Variants in TNNT1 observed in about 807,000 individuals in gnomAD.
The protein encoded by TNNT1 is troponin T, slow skeletal muscle.
TNNT1 carries 53 observed loss-of-function variants against 50.6 expected under a neutral mutation model. The ratio of observed to expected loss-of-function variants is 1.05; its 90% confidence interval spans 0.84 to 1.32. The LOEUF (loss-of-function observed/expected upper bound fraction) is 1.32, where lower values mean the gene tolerates loss of function less well. TNNT1 is among the 40% of genes most tolerant of loss of function. The probability of loss-of-function intolerance (pLI) is 0.00; values close to 1 mark genes in which losing one functional copy is unlikely to be tolerated. For synonymous variants in TNNT1, 142 were observed against 138.0 expected (o/e 1.03, Z -0.20); for missense variants, 348 against 381.7 (o/e 0.91, Z 0.74).
At chr19:55,148,339 A>G (rs1460025789) in intron 1 of TNNT1, among the ~76,000 whole-genome samples, 2 of 151,438 alleles carry the variant, frequency 1.3e-5, no homozygotes, top group African/African-American at 4.9e-5. Flanking sequence ...CTTCCCATAC[A>G]TCACGTAGGG....
Position 55,141,179 on chromosome 19 carries a change from G to A in TNNT1, c.309+7C>T, listed in dbSNP as rs1351933602. ...AAGACCGGGGGGAACCCGGACTCTC[G>A]GCTCACAATGCGCTCCTTCAAGGCA... On this transcript the variant is annotated splice_region_variant and intron_variant, in intron 8 of 13. Coordinates refer to ENST00000588981, the MANE Select transcript of TNNT1 (RefSeq NM_003283.6). The A allele has an allele frequency of 1.2e-6, 2 of 1,611,966 alleles. No homozygotes were observed. Among genetic ancestry groups the A allele is most frequent in the Non-Finnish European group, 1.7e-6 (2 of 1,178,106 alleles).
intron 9 of TNNT1, among the ~76,000 whole-genome samples, chr19:55,139,642 T>C (rs970482456): frequency 1.3e-5 from 2 of 151,976 alleles, no homozygotes; most frequent in African/African-American, 2.4e-5. Flanking sequence ...AACCTTCCCA[T>C]CTCAAGATCT....
chr19:55,147,253 T>TG, intron 1 of TNNT1, 85 bp from the exon 2 acceptor site: 1 of 1,334,780 alleles, frequency 7.5e-7, no homozygotes, highest in South Asian at 1.2e-5. Context: ...GAGGAGGGGC[T>TG]GGGGGCCTGG....
chr19:55,147,762 C>T (rs114754928), intron 1 of TNNT1, among the ~76,000 whole-genome samples: 1,865 of 143,462 alleles, frequency 0.013, 75 homozygotes, highest in African/African-American at 0.047. Flanking sequence ...CGGGCCTGGA[C>T]GCCTGGGTCT....
intron 6 of TNNT1, among the ~76,000 whole-genome samples, chr19:55,143,542 G>C (rs1032703236): frequency 2.6e-5 from 4 of 152,130 alleles, no homozygotes; most frequent in African/African-American, 9.7e-5. Flanking sequence ...AGGGGGCCAA[G>C]TGTACAGCAG....
At chr19:55,142,619 A>G (rs1470885060) in intron 6 of TNNT1, among the ~76,000 whole-genome samples, 1 of 148,470 alleles carries the variant, frequency 6.7e-6, no homozygotes, top group African/African-American at 2.5e-5. Context: ...ATCTCTGCTC[A>G]CCACAACAAC....
intron 11 of TNNT1, 66 bp downstream of exon 11, chr19:55,137,037 G>C: frequency 9.5e-7 from 1 of 1,051,422 alleles, no homozygotes; most frequent in Middle Eastern, 2.2e-4. Flanking sequence ...AGATCTGGGT[G>C]TGAGCTCCTT....
chr19:55,144,968 G>A (rs368478950), intron 6 of TNNT1, among the ~76,000 whole-genome samples: 2 of 152,060 alleles, frequency 1.3e-5, no homozygotes, highest in East Asian at 3.9e-4. Context: ...TGGTAAAGGC[G>A]CGAGGGGAAG....
rs559106081 is a variant in TNNT1, at chr19:55,136,034, T to G, written c.611+1069A>C. On this transcript the variant is annotated intron_variant, in intron 11 of 13. Transcript: ENST00000588981. ...ATTTTGCCCCCTGGAGAGCAGCTGTTAAACATTTACCATGAAGCCACTTTA... is the reference window on the plus strand; with the variant it reads ...ATTTTGCCCCCTGGAGAGCAGCTGTGAAACATTTACCATGAAGCCACTTTA... 7.9e-5 allele frequency among the ~76,000 whole-genome samples: 12 copies of G among 152,294 alleles called. No homozygotes were observed. The East Asian group carries it at 2.3e-3, about 29-fold the overall frequency.
chr19:55,147,202 G>A (rs756225652), intron 1 of TNNT1, 34 bp from the exon 2 acceptor site: 1 of 1,607,898 alleles, frequency 6.2e-7, no homozygotes, highest in Non-Finnish European at 8.5e-7. Context: ...CAGTGGGGTG[G>A]GGCCCCAAGG....
Position 55,137,216 on chromosome 19 carries a change from A to G in TNNT1, c.502-4T>C. The G allele has an allele frequency of 1.2e-6, 2 of 1,607,704 alleles. No homozygotes were observed. Among genetic ancestry groups the G allele is most frequent in the South Asian group, 2.2e-5 (2 of 90,978 alleles). On this transcript the variant is annotated splice_polypyrimidine_tract_variant and splice_region_variant and intron_variant, in intron 10 of 13. Transcript: ENST00000588981. ...GCTTACCACGCTTCTGTTCTGCCTGAGGGTGGGGGAGGCGGAACAGTAAAC... is the reference window on the plus strand; with the variant it reads ...GCTTACCACGCTTCTGTTCTGCCTGGGGGTGGGGGAGGCGGAACAGTAAAC...
At chr19:55,141,992 C>A in intron 6 of TNNT1, 72 bp from the exon 7 acceptor site, 1 of 1,509,630 alleles carries the variant, frequency 6.6e-7, no homozygotes, top group Non-Finnish European at 9.2e-7. Context: ...CCGGGATGTG[C>A]CGTCCAGTGA....
rs368286078 is a variant in TNNT1, at chr19:55,132,832, G to A, written c.*83C>T. 22 of 1,336,694 alleles carry A rather than the reference G, an allele frequency of 1.6e-5. No individual in the cohort carries two copies. The Middle Eastern group carries it at 8.9e-4, about 54-fold the overall frequency. The allele number at this position is 1,336,694 out of a possible 1,614,324, so 82.8% of individuals were successfully genotyped here. A position where few individuals can be genotyped will look rare whatever the true frequency, so the allele number is the denominator to read the frequency against. On this transcript the variant is annotated 3_prime_UTR_variant, in exon 14 of 14. Coordinates refer to ENST00000588981, the MANE Select transcript of TNNT1 (RefSeq NM_003283.6). Reference sequence around the variant, plus strand: ...AATAACATCAGAGAACCCAGCGGGTGTCTGAGGGGAGCGTTTATTTCAAGC... The same window carrying A: ...AATAACATCAGAGAACCCAGCGGGTATCTGAGGGGAGCGTTTATTTCAAGC...
At chr19:55,137,298 A>C (rs932685755) in intron 10 of TNNT1, 86 bp from the exon 11 acceptor site, 4 of 942,244 alleles carry the variant, frequency 4.2e-6, no homozygotes, top group Admixed American at 1.9e-5. Flanking sequence ...CGGATCCCAC[A>C]GACCATTTCC....
At position 55,132,819 on chromosome 19, in the gene TNNT1, G is replaced by A; in HGVS notation, c.*96C>T. The A allele has an allele frequency of 1.7e-6, 2 of 1,188,000 alleles. No individual in the cohort carries two copies. The highest frequency in any genetic ancestry group is 2.6e-5 in the South Asian group (2 of 76,748). 73.6% of individuals were successfully genotyped at this position (1,188,000 alleles called of 1,614,324 possible). ...GCATCTCAACCATAATAACATCAGA[G>A]AACCCAGCGGGTGTCTGAGGGGAGC... On this transcript the variant is annotated 3_prime_UTR_variant, in exon 14 of 14. Coordinates refer to ENST00000588981, the MANE Select transcript of TNNT1 (RefSeq NM_003283.6).
intron 1 of TNNT1, 34 bp from the exon 2 acceptor site, chr19:55,147,202 G>C (rs756225652): frequency 6.2e-7 from 1 of 1,608,016 alleles, no homozygotes. Context: ...CAGTGGGGTG[G>C]GGCCCCAAGG....
Position 55,137,070 on chromosome 19 carries a change from GCCCCTACACCCCGAGC to G in TNNT1, c.611+17_611+32del. On this transcript the variant is annotated intron_variant, in intron 11 of 13. Transcript: ENST00000588981. ...CTTTATCCCCCTGTCTCACACCCAGGCCCCTACACCCCGAGCCCCCCACAGCACCTACCGGAGCTGT... is the reference window on the plus strand; with the variant it reads ...CTTTATCCCCCTGTCTCACACCCAGGCCCCCACAGCACCTACCGGAGCTGT... 7.5e-7 allele frequency: 1 copy of G among 1,329,048 alleles called. No homozygotes were observed. Among genetic ancestry groups the G allele is most frequent in the Non-Finnish European group, 1.1e-6 (1 of 928,136 alleles). 82.3% of individuals were successfully genotyped at this position (1,329,048 alleles called of 1,614,324 possible).
At chr19:55,142,752 C>G (rs1350380666) in intron 6 of TNNT1, among the ~76,000 whole-genome samples, 1 of 151,298 alleles carries the variant, frequency 6.6e-6, no homozygotes, top group Non-Finnish European at 1.5e-5. Flanking sequence ...TTCACCATGC[C>G]GGCCAAGCTG....
rs2560942 is a variant in TNNT1 at position 55,141,390 on chromosome 19, A to G, written c.193-88T>C. 0.33 allele frequency: 314,819 copies of G among 960,358 alleles called. 59,944 individuals carry two copies. Among genetic ancestry groups the G allele is most frequent in the African/African-American group, 0.66 (40,960 of 62,334 alleles). 59.5% of individuals were successfully genotyped at this position (960,358 alleles called of 1,614,324 possible). A position where few individuals can be genotyped will look rare whatever the true frequency, so the allele number is the denominator to read the frequency against. ...CTCCCCCATGCAGGATGGTGAACTGAACCGTTTCCCAGGACGGTATCCAGC... is the reference window on the plus strand; with the variant it reads ...CTCCCCCATGCAGGATGGTGAACTGGACCGTTTCCCAGGACGGTATCCAGC... On this transcript the variant is annotated intron_variant, in intron 7 of 13. Transcript: ENST00000588981.
Sources: gnomAD v4.1 joint callset for allele counts (sites outside exome capture counted in the v4.1 genomes callset) on GRCh38, gnomAD v4.1.1 for gene constraint, MANE v1.5 for transcripts, NCBI Gene and HGNC (gene_info 2026-07-23, HGNC 2026-07-21) for gene names.